The following ACSS3 variants were observed in gnomAD, a reference collection of about 807,000 sequenced individuals.
ACSS3 encodes acyl-CoA synthetase short-chain family member 3, mitochondrial.
A neutral mutation model predicts 84.2 loss-of-function variants in ACSS3; 64 were observed. That is an observed-to-expected ratio of 0.76 (90% CI 0.62 to 0.94). ACSS3 has a LOEUF of 0.94. Ranked by LOEUF, ACSS3 falls within the 40% of genes least tolerant of loss-of-function variation. ACSS3 has a pLI of 0.00. For missense variants in ACSS3, 815 were observed against 867.6 expected, an observed-to-expected ratio of 0.94 and a Z score of 0.76; for synonymous variants, 317 against 310.1, an observed-to-expected ratio of 1.02 and a Z score of -0.23.
At chr12:81,249,810 A>C (rs2136011906) in intron 13 of ACSS3, among the ~76,000 whole-genome samples, 1 of 152,226 alleles carries the variant, frequency 6.6e-6, no homozygotes, top group Non-Finnish European at 1.5e-5. Context: ...ATTGCACTGC[A>C]AACTGGCTCC....
chr12:81,129,792 T>C (rs2574737), intron 2 of ACSS3, among the ~76,000 whole-genome samples: 113,859 of 133,232 alleles, frequency 0.85, 50,112 homozygotes, highest in Non-Finnish European at 0.96. Flanking sequence ...CACCCCATGA[T>C]AGGCCCCCGT....
intron 4 of ACSS3, among the ~76,000 whole-genome samples, chr12:81,139,638 T>TA (rs67965699): frequency 0.43 from 50,904 of 118,082 alleles, 11,133 homozygotes; most frequent in Non-Finnish European, 0.59. Flanking sequence ...TAATAATAAT[T>TA]ATTGTTATTT....
intron 2 of ACSS3, among the ~76,000 whole-genome samples, chr12:81,130,808 C>T (rs549618605): frequency 2.0e-5 from 3 of 151,894 alleles, no homozygotes; most frequent in Non-Finnish European, 4.4e-5. Flanking sequence ...TTTTGTATAA[C>T]GTGTAAGGAA....
chr12:81,088,849 T>C (rs1783251653), intron 1 of ACSS3, among the ~76,000 whole-genome samples: 2 of 151,860 alleles, frequency 1.3e-5, no homozygotes, highest in African/African-American at 4.8e-5. Context: ...ATAAGAAGAG[T>C]TTTTAAAGTT....
At chr12:81,140,023 T>G (rs1886017561) in intron 4 of ACSS3, among the ~76,000 whole-genome samples, 1 of 152,182 alleles carries the variant, frequency 6.6e-6, no homozygotes, top group Non-Finnish European at 1.5e-5. Context: ...AACATGGAGA[T>G]AAAGTAACTT....
intron 9 of ACSS3, among the ~76,000 whole-genome samples, chr12:81,210,760 T>C (rs2032558885): frequency 6.6e-6 from 1 of 152,206 alleles, no homozygotes; most frequent in Non-Finnish European, 1.5e-5. Context: ...CTAATAGGTA[T>C]ACCGTAGTTC....
At chr12:81,246,049 C>T (rs2033975113) in intron 13 of ACSS3, among the ~76,000 whole-genome samples, 1 of 152,116 alleles carries the variant, frequency 6.6e-6, no homozygotes, top group Non-Finnish European at 1.5e-5. Context: ...AGTTGCCTAA[C>T]ACATGCCAGG....
chr12:81,109,754 C>T, intron 2 of ACSS3, 50 bp downstream of exon 2: 2 of 1,380,546 alleles, frequency 1.4e-6, no homozygotes, highest in Non-Finnish European at 1.9e-6. Context: ...ATAGAAATTA[C>T]TTAAATAGCA....
chr12:81,237,496 T>C (rs907481635), intron 13 of ACSS3, among the ~76,000 whole-genome samples: 1 of 151,644 alleles, frequency 6.6e-6, no homozygotes, highest in Non-Finnish European at 1.5e-5. Context: ...AGGGATTGTC[T>C]TTTTTTCTTA....
chr12:81,204,177 T>G (rs2032236466), intron 9 of ACSS3, among the ~76,000 whole-genome samples: 1 of 152,100 alleles, frequency 6.6e-6, no homozygotes. Flanking sequence ...GAATTATTGT[T>G]TTTATGAGTA....
At chr12:81,082,942 G>T (rs1490263298) in intron 1 of ACSS3, among the ~76,000 whole-genome samples, 1 of 152,190 alleles carries the variant, frequency 6.6e-6, no homozygotes, top group African/African-American at 2.4e-5. Flanking sequence ...GAATATGAAA[G>T]AAATACTCCC....
chr12:81,234,380 TA>T (rs933941338), intron 13 of ACSS3, among the ~76,000 whole-genome samples: 11 of 151,526 alleles, frequency 7.3e-5, no homozygotes, highest in African/African-American at 2.2e-4. Flanking sequence ...GGTGTTTGTG[TA>T]AAAAAATATT....
intron 8 of ACSS3, among the ~76,000 whole-genome samples, chr12:81,176,922 A>C (rs1352672703): frequency 6.6e-6 from 1 of 152,176 alleles, no homozygotes; most frequent in Non-Finnish European, 1.5e-5. Context: ...TCTCAACAAA[A>C]TACCAGCAAA....
At chr12:81,150,068 C>T (rs969069581) in intron 5 of ACSS3, among the ~76,000 whole-genome samples, 1 of 152,070 alleles carries the variant, frequency 6.6e-6, no homozygotes, top group Non-Finnish European at 1.5e-5. Context: ...TCAGGTTTTA[C>T]AATTGAATTA....
chr12:81,219,968 T>G (rs2033045771), intron 10 of ACSS3, 45 bp from the exon 11 acceptor site: 1 of 1,297,550 alleles, frequency 7.7e-7, no homozygotes, highest in Admixed American at 2.5e-5. Flanking sequence ...GTTTAAGCTT[T>G]AAGATTATGA....
intron 11 of ACSS3, among the ~76,000 whole-genome samples, chr12:81,225,257 G>C (rs1217131581): frequency 6.6e-6 from 1 of 151,584 alleles, no homozygotes; most frequent in Non-Finnish European, 1.5e-5. Flanking sequence ...TAGGAATATT[G>C]TATGTCTTCC....
At chr12:81,194,054 T>C (rs2031705513) in intron 8 of ACSS3, among the ~76,000 whole-genome samples, 1 of 151,824 alleles carries the variant, frequency 6.6e-6, no homozygotes, top group African/African-American at 2.4e-5. Context: ...ATGAGGAATT[T>C]AGCTGTTGAA....
intron 9 of ACSS3, among the ~76,000 whole-genome samples, chr12:81,211,372 C>G (rs1294867171): frequency 6.6e-6 from 1 of 152,070 alleles, no homozygotes; most frequent in Non-Finnish European, 1.5e-5. Flanking sequence ...CACATCATGT[C>G]AAAATGGGTA....
At chr12:81,166,351 T>G (rs1181444525) in intron 7 of ACSS3, among the ~76,000 whole-genome samples, 2 of 152,062 alleles carry the variant, frequency 1.3e-5, no homozygotes, top group Non-Finnish European at 2.9e-5. Flanking sequence ...GAACAACTGG[T>G]GGAGAGGGAA....
Sources: gnomAD v4.1 joint callset for allele counts (sites outside exome capture counted in the v4.1 genomes callset) on GRCh38, gnomAD v4.1.1 for gene constraint, MANE v1.5 for transcripts, NCBI Gene and HGNC (gene_info 2026-07-23, HGNC 2026-07-21) for gene names.